KALRN: variants seen among roughly 807,000 people sequenced by gnomAD.
KALRN encodes kalirin RhoGEF kinase.
Under a neutral mutation model 353.7 loss-of-function variants are expected in KALRN, and 70 were observed. That is an observed-to-expected ratio of 0.20 (90% CI 0.16 to 0.24). The LOEUF (loss-of-function observed/expected upper bound fraction) is 0.24. Among genes scored for constraint, KALRN ranks in the 10% least tolerant of loss-of-function variants. The probability of loss-of-function intolerance (pLI) is 1.00; values close to 1 mark genes in which losing one functional copy is unlikely to be tolerated. For synonymous variants in KALRN, 1,391 were observed against 1,434.8 expected (o/e 0.97, Z 0.69); for missense variants, 2,791 against 3,756.7 (o/e 0.74, Z 6.72).
At chr3:124,561,613 A>G (rs1234860281) in intron 33 of KALRN, among the ~76,000 whole-genome samples, 1 of 152,196 alleles carries the variant, frequency 6.6e-6, no homozygotes, top group East Asian at 1.9e-4. Context: ...GCTACACAAC[A>G]TATTTGGACA....
At chr3:124,069,351 AG>A (rs60785675) in intron 1 of KALRN, among the ~76,000 whole-genome samples, 71,780 of 144,314 alleles carry the variant, frequency 0.5, 22,041 homozygotes, top group Non-Finnish European at 0.65. Context: ...GAGGAGGAGG[AG>A]GAGGAGGAGG....
chr3:124,240,416 A>C (rs1396203117), intron 3 of KALRN, among the ~76,000 whole-genome samples: 3 of 152,196 alleles, frequency 2.0e-5, no homozygotes, highest in African/African-American at 7.2e-5. Flanking sequence ...AGAAACCAGC[A>C]AGGTTTGGAT....
chr3:124,609,160 G>A (rs995642450), intron 34 of KALRN, among the ~76,000 whole-genome samples: 2 of 152,080 alleles, frequency 1.3e-5, no homozygotes, highest in African/African-American at 4.8e-5. Context: ...AGTGTTAAAG[G>A]TCACAAAATA....
At chr3:124,184,291 G>A (rs907408351) in intron 1 of KALRN, among the ~76,000 whole-genome samples, 7 of 152,122 alleles carry the variant, frequency 4.6e-5, no homozygotes, top group Non-Finnish European at 8.8e-5. Context: ...ACCTCATAAT[G>A]TTGTTGTAAG....
chr3:124,383,400 G>A (rs2087715731), intron 10 of KALRN, among the ~76,000 whole-genome samples: 1 of 152,222 alleles, frequency 6.6e-6, no homozygotes, highest in South Asian at 2.1e-4. Flanking sequence ...AGATCAAAGT[G>A]TCAGCAGAGC....
intron 33 of KALRN, chr3:124,518,266 T>C (rs1438701055): frequency 1.3e-6 from 1 of 781,546 alleles, no homozygotes; most frequent in Non-Finnish European, 2.3e-6. Flanking sequence ...CAGGTTGCAC[T>C]CTGCACTGGG....
chr3:124,046,770 G>T (rs2149114864), intron 1 of KALRN, among the ~76,000 whole-genome samples: 1 of 152,244 alleles, frequency 6.6e-6, no homozygotes, highest in South Asian at 2.1e-4. Flanking sequence ...GCCCTACTTT[G>T]GAAAATGTTT....
chr3:124,606,500 T>C (rs949524204), intron 34 of KALRN, among the ~76,000 whole-genome samples: 2 of 152,234 alleles, frequency 1.3e-5, no homozygotes, highest in African/African-American at 4.8e-5. Context: ...AAAAATACCA[T>C]AAATTTGATT....
chr3:124,087,927 G>A (rs1485998257), intron 1 of KALRN, among the ~76,000 whole-genome samples: 1 of 152,186 alleles, frequency 6.6e-6, no homozygotes, highest in Non-Finnish European at 1.5e-5. Flanking sequence ...TGTAAGATGA[G>A]TTACAGTAAA....
At chr3:124,365,710 A>C (rs1427913653) in intron 10 of KALRN, among the ~76,000 whole-genome samples, 3 of 152,330 alleles carry the variant, frequency 2.0e-5, no homozygotes, top group African/African-American at 7.2e-5. Flanking sequence ...ATTTAAATCT[A>C]TATTAGCTTG....
Position 124,456,673 on chromosome 3 carries a change from C to A in KALRN, c.3799C>A (p.Arg1267=). The change falls in exon 23 of 60, where the codon CGG becomes AGG. Residue 1267 remains arginine, a synonymous_variant. Coordinates refer to ENST00000682506, the MANE Select transcript of KALRN (RefSeq NM_001388419.1). ...CCTTTCGGATCGGGAGGTCAAGCTG[C>A]GGGACGCCAACCACGAAGTCAATGA... ...ASLSDREVKL[R]DANHEVNEEK... 6.2e-7 allele frequency: 1 copy of A among 1,613,262 alleles called. No homozygotes were observed. Among genetic ancestry groups the A allele is most frequent in the Non-Finnish European group, 8.5e-7 (1 of 1,179,498 alleles).
At chr3:124,420,654 T>G (rs1207527632) in intron 14 of KALRN, among the ~76,000 whole-genome samples, 1 of 152,168 alleles carries the variant, frequency 6.6e-6, no homozygotes, top group Non-Finnish European at 1.5e-5. Context: ...GAGCTAGGAC[T>G]TGGAATTATG....
chr3:124,336,052 ACT>A (rs2081103297), intron 9 of KALRN, among the ~76,000 whole-genome samples: 1 of 151,970 alleles, frequency 6.6e-6, no homozygotes, highest in Admixed American at 6.6e-5. Context: ...TGACTGTGAC[ACT>A]CTCTGAATAG....
chr3:124,274,054 T>G (rs1301636892), intron 5 of KALRN, among the ~76,000 whole-genome samples: 1 of 152,228 alleles, frequency 6.6e-6, no homozygotes, highest in Non-Finnish European at 1.5e-5. Flanking sequence ...TATGTGGTCT[T>G]AAAGGTCATT....
At chr3:124,575,292 G>A (rs1268219426) in intron 34 of KALRN, among the ~76,000 whole-genome samples, 2 of 152,342 alleles carry the variant, frequency 1.3e-5, no homozygotes, top group South Asian at 2.1e-4. Flanking sequence ...TTTGTACACA[G>A]GAGGGCGAAC....
intron 1 of KALRN, among the ~76,000 whole-genome samples, chr3:124,182,889 A>C (rs1322919393): frequency 6.6e-6 from 1 of 152,224 alleles, no homozygotes; most frequent in Non-Finnish European, 1.5e-5. Flanking sequence ...AAAGATTTTC[A>C]TACTGAAAAC....
intron 37 of KALRN, 47 bp downstream of exon 37, chr3:124,637,350 A>G: frequency 7.4e-7 from 1 of 1,343,364 alleles, no homozygotes; most frequent in Non-Finnish European, 1.1e-6. Flanking sequence ...TCACCTTCAC[A>G]CTGCTCCAGG....
At chr3:124,353,263 G>A (rs377444237) in intron 10 of KALRN, among the ~76,000 whole-genome samples, 31 of 152,212 alleles carry the variant, frequency 2.0e-4, no homozygotes, top group African/African-American at 5.5e-4. Flanking sequence ...GATACTCTGA[G>A]TACAATCAGC....
intron 3 of KALRN, among the ~76,000 whole-genome samples, chr3:124,246,400 C>G (rs770058040): frequency 2.0e-5 from 3 of 152,196 alleles, no homozygotes; most frequent in Non-Finnish European, 4.4e-5. Flanking sequence ...TAATATGGCC[C>G]CTTAACAGGG....
Sources: gnomAD v4.1 joint callset for allele counts (sites outside exome capture counted in the v4.1 genomes callset) on GRCh38, gnomAD v4.1.1 for gene constraint, MANE v1.5 for transcripts, NCBI Gene and HGNC (gene_info 2026-07-23, HGNC 2026-07-21) for gene names.